Variants in TMEM117 observed in about 807,000 individuals in gnomAD.
TMEM117 encodes the protein transmembrane protein 117.
In TMEM117, 27 loss-of-function variants were observed where a neutral mutation model predicts 52.4. That is an observed-to-expected ratio of 0.51 (90% confidence interval 0.38 to 0.71). TMEM117 has a LOEUF of 0.71. Among genes scored for constraint, TMEM117 ranks in the 30% least tolerant of loss-of-function variants. The probability of loss-of-function intolerance (pLI) is 0.00; values close to 1 mark genes in which losing one functional copy is unlikely to be tolerated. For missense variants in TMEM117, 556 were observed against 630.5 expected (o/e 0.88, Z 1.26); for synonymous variants, 215 against 206.3 (o/e 1.04, Z -0.36).
intron 3 of TMEM117, among the ~76,000 whole-genome samples, chr12:43,990,134 A>G (rs1945914235): frequency 6.6e-6 from 1 of 152,160 alleles, no homozygotes; most frequent in African/African-American, 2.4e-5. Flanking sequence ...AAAAACTCTT[A>G]AAGATAGTTC....
intron 3 of TMEM117, among the ~76,000 whole-genome samples, chr12:43,983,493 G>A (rs1244072574): frequency 6.8e-6 from 1 of 146,002 alleles, no homozygotes; most frequent in African/African-American, 2.5e-5. Flanking sequence ...AAAAGTAATT[G>A]TGGTTTTTGC....
intron 7 of TMEM117, among the ~76,000 whole-genome samples, chr12:44,384,968 G>A (rs1325810178): frequency 6.6e-6 from 1 of 152,062 alleles, no homozygotes; most frequent in Non-Finnish European, 1.5e-5. Flanking sequence ...ATAAAAAATT[G>A]GATTCTATAC....
intron 2 of TMEM117, among the ~76,000 whole-genome samples, chr12:43,925,276 C>T (rs1944760470): frequency 6.7e-6 from 1 of 149,722 alleles, no homozygotes; most frequent in African/African-American, 2.4e-5. Context: ...ATCTTGTAGG[C>T]TGGCTACCAC....
chr12:44,072,564 TG>T (rs1947318598), intron 3 of TMEM117, among the ~76,000 whole-genome samples: 1 of 152,180 alleles, frequency 6.6e-6, no homozygotes, highest in South Asian at 2.1e-4. Context: ...GGACCCTATA[TG>T]GGGCTCAGGT....
At chr12:43,970,252 CTGT>C (rs1945559462) in intron 3 of TMEM117, among the ~76,000 whole-genome samples, 2 of 151,444 alleles carry the variant, frequency 1.3e-5, no homozygotes, top group South Asian at 4.2e-4. Context: ...TGATGGTGGC[CTGT>C]TGTTATAATT....
intron 2 of TMEM117, among the ~76,000 whole-genome samples, chr12:43,931,519 A>AATTAT (rs1327711780): frequency 6.6e-6 from 1 of 152,224 alleles, no homozygotes; most frequent in African/African-American, 2.4e-5. Flanking sequence ...TGATATCAAA[A>AATTAT]ATTATAACTA....
In TMEM117 at chr12:44,098,691, A is replaced by G. The variant is rs554588621; in HGVS notation, c.411-44834A>G. Among the ~76,000 whole-genome samples, 7 of 152,158 alleles carry G rather than the reference A, an allele frequency of 4.6e-5. No individual in the cohort carries two copies. In the South Asian group the frequency reaches 6.2e-4, roughly 13 times the overall value. On this transcript the variant is annotated intron_variant, in intron 3 of 7. Transcript: ENST00000266534. ...AAGGCTGGGAGCCAGATCCTATACT[A>G]TCATAACTTTCTTGAGAAATAGCCA... is the stretch of plus-strand genomic sequence containing the variant.
intron 6 of TMEM117, among the ~76,000 whole-genome samples, chr12:44,300,681 G>A (rs76294550): frequency 0.056 from 8,564 of 152,124 alleles, 334 homozygotes; most frequent in Middle Eastern, 0.092. Flanking sequence ...TGGGCATTAG[G>A]TTCAAGATGG....
At chr12:44,317,876 T>G (rs1951078512) in intron 6 of TMEM117, among the ~76,000 whole-genome samples, 1 of 152,154 alleles carries the variant, frequency 6.6e-6, no homozygotes, top group Admixed American at 6.5e-5. Flanking sequence ...CACCACCACA[T>G]GAGGGAACCA....
At chr12:44,059,834 A>G (rs1369031382) in intron 3 of TMEM117, among the ~76,000 whole-genome samples, 6 of 152,192 alleles carry the variant, frequency 3.9e-5, no homozygotes, top group African/African-American at 9.7e-5. Context: ...TGTCACTGTA[A>G]ATTGTCCATG....
At chr12:44,391,135 C>T (rs1040202428), downstream of TMEM117, among the ~76,000 whole-genome samples, 19 of 152,262 alleles carry the variant, frequency 1.2e-4, no homozygotes, top group Non-Finnish European at 2.1e-4. Flanking sequence ...TCAGTAATTA[C>T]AGTACTTTCT....
intron 3 of TMEM117, among the ~76,000 whole-genome samples, chr12:43,968,285 GCTTT>G (rs1945518643): frequency 6.6e-6 from 1 of 152,132 alleles, no homozygotes; most frequent in African/African-American, 2.4e-5. Flanking sequence ...ATTTTAGCCG[GCTTT>G]CTTTTCAAGT....
chr12:44,312,512 G>A (rs929874867), intron 6 of TMEM117, among the ~76,000 whole-genome samples: 2 of 152,024 alleles, frequency 1.3e-5, no homozygotes, highest in African/African-American at 4.8e-5. Context: ...ATCCACCGCT[G>A]TTGGGCCCTT....
At chr12:43,826,451 T>C in the TMEM117 span, among the ~76,000 whole-genome samples, 1 of 152,212 alleles carries the variant, frequency 6.6e-6, no homozygotes, top group Non-Finnish European at 1.5e-5. Flanking sequence ...ACAGATAATG[T>C]CATCTTTTTC....
the TMEM117 span, among the ~76,000 whole-genome samples, chr12:43,824,435 C>T: frequency 6.6e-6 from 1 of 152,216 alleles, no homozygotes; most frequent in Non-Finnish European, 1.5e-5. Flanking sequence ...GGTAGCAGCT[C>T]TAGTTCTCTC....
At chr12:43,853,211 A>G (rs113451227) in intron 2 of TMEM117, among the ~76,000 whole-genome samples, 5,706 of 152,302 alleles carry the variant, frequency 0.037, 269 homozygotes, top group African/African-American at 0.1. Context: ...GCACAGTAGC[A>G]TTCCATACAT....
chr12:43,953,956 C>T (rs1271631400), intron 3 of TMEM117, among the ~76,000 whole-genome samples: 3 of 152,190 alleles, frequency 2.0e-5, no homozygotes, highest in African/African-American at 7.2e-5. Flanking sequence ...ACAAAAGTCT[C>T]TCAGACCACA....
intron 3 of TMEM117, among the ~76,000 whole-genome samples, chr12:44,036,282 G>A (rs1946708802): frequency 6.6e-6 from 1 of 152,064 alleles, no homozygotes; most frequent in Non-Finnish European, 1.5e-5. Flanking sequence ...ATAGTGAAAG[G>A]AACAGTTTTC....
chr12:43,819,430 A>C, the TMEM117 span, among the ~76,000 whole-genome samples: 1 of 152,094 alleles, frequency 6.6e-6, no homozygotes, highest in Non-Finnish European at 1.5e-5. Context: ...GAGATGTCTG[A>C]CCCAACAGCA....
Sources: gnomAD v4.1 joint callset for allele counts (sites outside exome capture counted in the v4.1 genomes callset) on GRCh38, gnomAD v4.1.1 for gene constraint, MANE v1.5 for transcripts, NCBI Gene and HGNC (gene_info 2026-07-23, HGNC 2026-07-21) for gene names.